The following STYXL2 variants were observed in gnomAD, a reference collection of about 807,000 sequenced individuals.
STYXL2 encodes serine/threonine/tyrosine-interacting-like protein 2.
A neutral mutation model predicts 52.4 loss-of-function variants in STYXL2; 44 were observed. The ratio of observed to expected loss-of-function variants is 0.84; its 90% confidence interval spans 0.66 to 1.08. The LOEUF is 1.08. Ranked by LOEUF, STYXL2 falls within the 50% of genes least tolerant of loss-of-function variation. STYXL2 has a pLI of 0.00. For synonymous variants in STYXL2, 604 were observed against 586.9 expected, an observed-to-expected ratio of 1.03 and a Z score of -0.42; for missense variants, 1,604 against 1,471.7, an observed-to-expected ratio of 1.09 and a Z score of -1.47.
At chr1:167,105,872 C>T (rs929237383) in intron 2 of STYXL2, among the ~76,000 whole-genome samples, 9 of 152,284 alleles carry the variant, frequency 5.9e-5, no homozygotes, top group Non-Finnish European at 1.2e-4. Context: ...AAGACAGAAA[C>T]ATCGTGGGGC....
intron 5 of STYXL2, among the ~76,000 whole-genome samples, chr1:167,121,071 G>A (rs1571345067): frequency 6.7e-6 from 1 of 150,158 alleles, no homozygotes; most frequent in Non-Finnish European, 1.5e-5. Context: ...GAGTGCAATG[G>A]TGCCATCTAC....
At position 167,128,444 on chromosome 1, in the gene STYXL2, G is replaced by A. The variant is rs1379066222; in HGVS notation, c.3313G>A (p.Glu1105Lys). 1 of 1,614,108 alleles carries A rather than the reference G, an allele frequency of 6.2e-7. No individual in the cohort carries two copies. Among genetic ancestry groups the A allele is most frequent in the Non-Finnish European group, 8.5e-7 (1 of 1,180,012 alleles). Reference sequence around the variant, plus strand: ...AGAAGAGGGAGAGAAAGAGAGGACAGAAAACAGAGAAGAAGGGAGGTTTGC... The same window carrying A: ...AGAAGAGGGAGAGAAAGAGAGGACAAAAAACAGAGAAGAAGGGAGGTTTGC... Reference protein sequence around the residue: ...SEEEGEKERTENREEGRFASG... With the variant: ...SEEEGEKERTKNREEGRFASG... Residue 1105 changes from glutamate to lysine, a missense_variant, in exon 6 of 6, where the codon GAA becomes AAA. By Grantham distance (56) the Glu-to-Lys change is moderately conservative. Coordinates refer to ENST00000361200, the MANE Select transcript of STYXL2 (RefSeq NM_001080426.3).
chr1:167,119,300 T>C lies in STYXL2; in HGVS notation c.489T>C (p.Ile163=). The C allele has an allele frequency of 6.2e-7, 1 of 1,614,182 alleles. No homozygotes were observed. The highest frequency in any genetic ancestry group is 1.3e-5 in the African/African-American group (1 of 75,042). Residue 163 remains isoleucine (I), a synonymous_variant, in exon 5 of 6, where the codon ATT becomes ATC. Transcript: ENST00000361200. ...GRLKRLGITH[I]LNAAHGTGVY... ...TGAAGAGGCTGGGAATCACCCACATTCTGAATGCTGCGCATGGCACCGGCG... is the reference window on the plus strand; with the variant it reads ...TGAAGAGGCTGGGAATCACCCACATCCTGAATGCTGCGCATGGCACCGGCG...
intron 2 of STYXL2, among the ~76,000 whole-genome samples, chr1:167,100,879 C>CT: frequency 6.6e-6 from 1 of 152,228 alleles, no homozygotes; most frequent in Non-Finnish European, 1.5e-5. Flanking sequence ...TAGGCTATCT[C>CT]TTCCCACAAT....
chr1:167,096,354 C>T (rs761760754), intron 2 of STYXL2, among the ~76,000 whole-genome samples: 7 of 152,162 alleles, frequency 4.6e-5, no homozygotes, highest in Non-Finnish European at 8.8e-5. Flanking sequence ...TGTATACCCC[C>T]GAATAAGGCA....
chr1:167,103,067 C>G (rs1338463343), intron 2 of STYXL2, among the ~76,000 whole-genome samples: 1 of 148,986 alleles, frequency 6.7e-6, no homozygotes, highest in Non-Finnish European at 1.5e-5. Flanking sequence ...TTGTCTCTTG[C>G]TCGTTTCTGT....
chr1:167,119,610 C>T, intron 5 of STYXL2, 144 bp downstream of exon 5: 1 of 705,582 alleles, frequency 1.4e-6, no homozygotes. Flanking sequence ...GGAGAAAAGA[C>T]AGGATAATCA....
chr1:167,120,905 T>C (rs1571344958), intron 5 of STYXL2, among the ~76,000 whole-genome samples: 1 of 102,424 alleles, frequency 9.8e-6, no homozygotes, highest in South Asian at 2.5e-4. Flanking sequence ...GAGAGAGGTA[T>C]GTATGTGTAT....
intron 2 of STYXL2, among the ~76,000 whole-genome samples, chr1:167,099,563 A>C (rs905095379): frequency 6.6e-5 from 10 of 152,250 alleles, no homozygotes; most frequent in African/African-American, 2.4e-4. Flanking sequence ...ATTCAAATTA[A>C]AATCACAATT....
At chr1:167,115,646 C>T (rs1352446501) in intron 3 of STYXL2, among the ~76,000 whole-genome samples, 1 of 152,012 alleles carries the variant, frequency 6.6e-6, no homozygotes, top group Admixed American at 6.5e-5. Context: ...TAAGTAGACA[C>T]GGGAAGGGGA....
chr1:167,107,088 AG>A (rs1456803173), intron 2 of STYXL2, among the ~76,000 whole-genome samples: 1 of 152,136 alleles, frequency 6.6e-6, no homozygotes, highest in Non-Finnish European at 1.5e-5. Context: ...TCCATTTCTA[AG>A]AGGATCATTC....
At chr1:167,115,916 G>T (rs868718197) in intron 3 of STYXL2, among the ~76,000 whole-genome samples, 1 of 152,092 alleles carries the variant, frequency 6.6e-6, no homozygotes, top group Non-Finnish European at 1.5e-5. Context: ...AGAACCCAAG[G>T]CTCCCTGGAT....
chr1:167,109,905 A>G (rs1667581283), intron 2 of STYXL2, among the ~76,000 whole-genome samples: 2 of 152,180 alleles, frequency 1.3e-5, no homozygotes, highest in African/African-American at 4.8e-5. Context: ...TGCTACCATA[A>G]CCAGCATTTG....
Position 167,126,627 on chromosome 1 carries a change from G to A in STYXL2, c.1496G>A (p.Ser499Asn), listed in dbSNP as rs865942695. 4.3e-6 allele frequency: 7 copies of A among 1,614,098 alleles called. No homozygotes were observed. In the East Asian group the frequency reaches 1.6e-4, roughly 36 times the overall value. ...KEASRRYHAK[S>N]KREEAADRSS... ...GCTTCCCGGAGGTACCACGCCAAGAGCAAGAGAGAGGAGGCGGCAGACAGG... is the reference window on the plus strand; with the variant it reads ...GCTTCCCGGAGGTACCACGCCAAGAACAAGAGAGAGGAGGCGGCAGACAGG... Residue 499 changes from serine to asparagine, a missense_variant, in exon 6 of 6, where the codon AGC becomes AAC. Physicochemically the swap from Ser to Asn is conservative, Grantham distance 46. Transcript: ENST00000361200.
intron 2 of STYXL2, among the ~76,000 whole-genome samples, chr1:167,110,684 G>A (rs987589): frequency 0.29 from 43,417 of 152,032 alleles, 6,394 homozygotes; most frequent in Middle Eastern, 0.32. Context: ...TTCCACCTTG[G>A]TGATTGTGTT....
intron 2 of STYXL2, among the ~76,000 whole-genome samples, chr1:167,109,311 C>A (rs12030396): frequency 0.34 from 52,073 of 151,894 alleles, 10,422 homozygotes; most frequent in East Asian, 0.73. Context: ...CCCTGCTTAC[C>A]GGCTGCCTAA....
In STYXL2 at chr1:167,126,385, G is replaced by A. The variant is rs760150269; in HGVS notation, c.1254G>A (p.Glu418=). The part of the protein sequence containing the change: ...YRRWGREEEK[E]EESDAGSSVG... ...GGTGGGGAAGGGAGGAGGAGAAGGA[G>A]GAGGAGAGCGACGCTGGCTCCTCGG... The change falls in exon 6 of 6, where the codon GAG becomes GAA. Residue 418 remains glutamate (E), a synonymous_variant. Coordinates refer to ENST00000361200, the MANE Select transcript of STYXL2 (RefSeq NM_001080426.3). 29 of 1,553,234 alleles carry A rather than the reference G, an allele frequency of 1.9e-5. No individual in the cohort carries two copies. The East Asian group carries it at 6.8e-4, about 36-fold the overall frequency.
intron 2 of STYXL2, among the ~76,000 whole-genome samples, chr1:167,109,227 G>C (rs1009670304): frequency 6.6e-6 from 1 of 152,216 alleles, no homozygotes. Flanking sequence ...CCACCACAGT[G>C]GGGTAGTGGC....
intron 2 of STYXL2, among the ~76,000 whole-genome samples, chr1:167,097,989 C>T (rs907554411): frequency 6.7e-6 from 1 of 149,574 alleles, no homozygotes; most frequent in African/African-American, 2.5e-5. Context: ...ATAGTGAGGC[C>T]CTGTCTCTAC....
Sources: allele counts gnomAD v4.1 joint callset (sites outside exome capture counted in the v4.1 genomes callset), GRCh38; gene constraint gnomAD v4.1.1; transcripts MANE v1.5; gene names NCBI Gene and HGNC (gene_info 2026-07-23, HGNC 2026-07-21).